XYLT1: variants seen among roughly 807,000 people sequenced by gnomAD.
The protein encoded by XYLT1 is xylosyltransferase 1.
Under a neutral mutation model 91.3 loss-of-function variants are expected in XYLT1, and 36 were observed. That is an observed-to-expected ratio of 0.39 (90% confidence interval 0.30 to 0.52). XYLT1 has a LOEUF of 0.52. Ranked by LOEUF, XYLT1 falls within the 20% of genes least tolerant of loss-of-function variation. XYLT1 has a pLI of 0.68. For missense variants in XYLT1, 1,242 were observed against 1,284.5 expected, an observed-to-expected ratio of 0.97 and a Z score of 0.51; for synonymous variants, 588 against 532.0, an observed-to-expected ratio of 1.11 and a Z score of -1.45.
chr16:17,253,558 C>T (rs1281071849), intron 3 of XYLT1, among the ~76,000 whole-genome samples: 1 of 152,106 alleles, frequency 6.6e-6, no homozygotes, highest in Non-Finnish European at 1.5e-5. Flanking sequence ...TGTACATTAG[C>T]ACTACCAGGT....
intron 2 of XYLT1, among the ~76,000 whole-genome samples, chr16:17,271,189 C>T (rs1336621417): frequency 2.6e-5 from 4 of 151,506 alleles, no homozygotes; most frequent in Non-Finnish European, 4.4e-5. Context: ...TTAAGTGTCC[C>T]GAAGGCTGGC....
At chr16:17,235,887 G>A (rs1333537280) in intron 3 of XYLT1, among the ~76,000 whole-genome samples, 1 of 152,128 alleles carries the variant, frequency 6.6e-6, no homozygotes, top group Non-Finnish European at 1.5e-5. Context: ...TTATTATTGA[G>A]ACAGAGTCTT....
At chr16:17,350,060 G>C (rs976732067) in intron 2 of XYLT1, among the ~76,000 whole-genome samples, 3 of 152,030 alleles carry the variant, frequency 2.0e-5, no homozygotes, top group Non-Finnish European at 4.4e-5. Context: ...ATTTTTAGTA[G>C]AGACGGGGTT....
intron 1 of XYLT1, among the ~76,000 whole-genome samples, chr16:17,436,896 T>G (rs903285509): frequency 2.0e-5 from 3 of 152,214 alleles, no homozygotes; most frequent in African/African-American, 7.2e-5. Context: ...TTCCATTCAC[T>G]GGGTAACATA....
chr16:17,381,643 T>C (rs940946805), intron 1 of XYLT1, among the ~76,000 whole-genome samples: 1 of 152,070 alleles, frequency 6.6e-6, no homozygotes, highest in African/African-American at 2.4e-5. Context: ...GCCAGGCTGG[T>C]CTTGAACTCC....
intron 2 of XYLT1, among the ~76,000 whole-genome samples, chr16:17,271,208 C>T (rs893668675): frequency 2.0e-5 from 3 of 152,214 alleles, no homozygotes; most frequent in African/African-American, 4.8e-5. Flanking sequence ...GCCTCTTCTT[C>T]GTTACTATTT....
At chr16:17,277,944 T>C (rs1029045709) in intron 2 of XYLT1, among the ~76,000 whole-genome samples, 2 of 152,094 alleles carry the variant, frequency 1.3e-5, no homozygotes, top group African/African-American at 4.8e-5. Context: ...CAGGAGAGTT[T>C]TGGAAGTGAG....
At chr16:17,301,105 G>A (rs1363331584) in intron 2 of XYLT1, among the ~76,000 whole-genome samples, 1 of 151,904 alleles carries the variant, frequency 6.6e-6, no homozygotes, top group Non-Finnish European at 1.5e-5. Context: ...GGGAGTATAT[G>A]TGTGTGAGAA....
chr16:17,384,932 G>A (rs781362218), intron 1 of XYLT1, among the ~76,000 whole-genome samples: 1 of 147,286 alleles, frequency 6.8e-6, no homozygotes, highest in Non-Finnish European at 1.5e-5. Context: ...AAAATCAATC[G>A]CTGGTGGAAG....
chr16:17,220,359 C>A (rs2032944063), intron 3 of XYLT1, among the ~76,000 whole-genome samples: 2 of 152,134 alleles, frequency 1.3e-5, no homozygotes, highest in Admixed American at 1.3e-4. Flanking sequence ...AAGCTGTCAC[C>A]CAGGCCAGGC....
Position 17,401,219 on chromosome 16 carries a change from C to T in XYLT1, c.364-43169G>A, listed in dbSNP as rs112338315. Among the ~76,000 whole-genome samples, 515 of 152,170 alleles carry T rather than the reference C, an allele frequency of 3.4e-3. 2 individuals are homozygous for T. The highest frequency in any genetic ancestry group is 0.011 in the African/African-American group (468 of 41,502). On this transcript the variant is annotated intron_variant, in intron 1 of 11. Coordinates refer to ENST00000261381, the MANE Select transcript of XYLT1 (RefSeq NM_022166.4). ...GGAGGATGTTACAAAGGAAAAGGGA[C>T]GAGGAAGCAAGGGAAACGGACTTCA...
chr16:17,177,612 C>A (rs1461807355), intron 5 of XYLT1, among the ~76,000 whole-genome samples: 1 of 152,142 alleles, frequency 6.6e-6, no homozygotes, highest in Admixed American at 6.5e-5. Context: ...CACAGTGACG[C>A]CCTACAGCTG....
At chr16:17,386,368 G>C (rs1285200523) in intron 1 of XYLT1, among the ~76,000 whole-genome samples, 1 of 152,126 alleles carries the variant, frequency 6.6e-6, no homozygotes, top group Admixed American at 6.5e-5. Flanking sequence ...AGCTCAAAAG[G>C]AAAGAGCTGG....
chr16:17,312,837 G>A lies in XYLT1; in HGVS notation c.402+45175C>T, dbSNP rs918137550. Among the ~76,000 whole-genome samples the A allele has an allele frequency of 7.9e-5, 12 of 152,174 alleles. No homozygotes were observed. The highest frequency in any genetic ancestry group is 1.2e-4 in the Non-Finnish European group (8 of 68,030). ...AGCTACTATGCAGTGTTACTTCTCC[G>A]GCAAGTTCTGGTAACTAGTGCAAAC... On this transcript the variant is annotated intron_variant, in intron 2 of 11. Transcript: ENST00000261381. This position sits in a 1 kb window ranked among gnomAD's most constrained non-coding sequence, Gnocchi z 4.4.
At chr16:17,252,126 GA>G (rs111331165) in intron 3 of XYLT1, among the ~76,000 whole-genome samples, 27,379 of 149,682 alleles carry the variant, frequency 0.18, 2,827 homozygotes, top group African/African-American at 0.29. Flanking sequence ...AGTAATTGCA[GA>G]AAAAAAAAAG....
chr16:17,170,990 T>C (rs1232992873), intron 5 of XYLT1, among the ~76,000 whole-genome samples: 1 of 152,124 alleles, frequency 6.6e-6, no homozygotes, highest in Non-Finnish European at 1.5e-5. Flanking sequence ...ATTTACCTTA[T>C]AGAGTTGAAG....
intron 1 of XYLT1, among the ~76,000 whole-genome samples, chr16:17,419,834 A>T (rs1207345938): frequency 1.3e-5 from 2 of 152,164 alleles, no homozygotes; most frequent in Non-Finnish European, 2.9e-5. Context: ...TTGAGTATGG[A>T]ATGACCTTGG....
At chr16:17,164,065 A>AAAAAG (rs1215138327) in intron 5 of XYLT1, among the ~76,000 whole-genome samples, 2 of 146,448 alleles carry the variant, frequency 1.4e-5, no homozygotes, top group Non-Finnish European at 1.5e-5. Context: ...AAAAAAAAAA[A>AAAAAG]AAAAGAAAGA....
chr16:17,328,283 A>C (rs2034843213), intron 2 of XYLT1, among the ~76,000 whole-genome samples: 1 of 152,134 alleles, frequency 6.6e-6, no homozygotes, highest in Non-Finnish European at 1.5e-5. Flanking sequence ...GCAGTGGCTC[A>C]AACCTGTAAT....
Sources: gnomAD v4.1 joint callset for allele counts (sites outside exome capture counted in the v4.1 genomes callset) on GRCh38, gnomAD v4.1.1 for gene constraint, Gnocchi (gnomAD v3.1) non-coding constraint, MANE v1.5 for transcripts, NCBI Gene and HGNC (gene_info 2026-07-23, HGNC 2026-07-21) for gene names.